PLCL1: variants seen among roughly 807,000 people sequenced by gnomAD.
PLCL1 encodes the protein inactive phospholipase C-like protein 1.
Under a neutral mutation model 84.4 loss-of-function variants are expected in PLCL1, and 41 were observed. The observed-to-expected ratio is 0.49, with a 90% CI of 0.38 to 0.63. The LOEUF (loss-of-function observed/expected upper bound fraction) is 0.63, where lower values mean the gene tolerates loss of function less well. Ranked by LOEUF, PLCL1 falls within the 30% of genes least tolerant of loss-of-function variation. PLCL1 has a pLI of 0.00. For missense variants in PLCL1, 1,206 were observed against 1,367.8 expected, an observed-to-expected ratio of 0.88 and a Z score of 1.87; for synonymous variants, 490 against 488.3, an observed-to-expected ratio of 1.00 and a Z score of -0.05.
Position 198,064,790 on chromosome 2 carries a change from T to G in PLCL1, c.241-18968T>G, listed in dbSNP as rs139904014. ...TGTACTTCTTCTATAGGATTTTAAC[T>G]AATTTAAAGCAAAGACTGAATGAAA... On this transcript the variant is annotated intron_variant, in intron 1 of 5. Transcript: ENST00000428675. Among the ~76,000 whole-genome samples the G allele has an allele frequency of 3.4e-3, 517 of 152,300 alleles. 3 individuals are homozygous for G. The highest frequency in any genetic ancestry group is 0.012 in the African/African-American group (487 of 41,556).
At chr2:197,931,868 GT>G (rs1688942502) in intron 1 of PLCL1, among the ~76,000 whole-genome samples, 1 of 152,154 alleles carries the variant, frequency 6.6e-6, no homozygotes, top group South Asian at 2.1e-4. Flanking sequence ...AAGTGGAGAG[GT>G]TTAAATTGTT....
At chr2:197,808,495 G>C (rs1242571807) in intron 1 of PLCL1, among the ~76,000 whole-genome samples, 2 of 151,888 alleles carry the variant, frequency 1.3e-5, no homozygotes, top group African/African-American at 4.8e-5. Context: ...GTTCCCTTTA[G>C]CATAGTAAAA....
At chr2:197,968,354 C>T (rs80171006) in intron 1 of PLCL1, among the ~76,000 whole-genome samples, 2,151 of 152,154 alleles carry the variant, frequency 0.014, 61 homozygotes, top group African/African-American at 0.048. Flanking sequence ...GGTGAATGTA[C>T]CACACAGAAT....
intron 1 of PLCL1, among the ~76,000 whole-genome samples, chr2:198,076,975 A>G (rs187901071): frequency 1.3e-5 from 2 of 152,328 alleles, no homozygotes; most frequent in East Asian, 3.9e-4. Flanking sequence ...GAAAGGCAAA[A>G]TGTATGCATC....
At chr2:197,982,291 C>T (rs1417281584) in intron 1 of PLCL1, among the ~76,000 whole-genome samples, 1 of 151,906 alleles carries the variant, frequency 6.6e-6, no homozygotes, top group East Asian at 1.9e-4. Context: ...TGTATCTCTA[C>T]TGTCTTTTGG....
At chr2:198,068,580 C>T (rs1382538940) in intron 1 of PLCL1, among the ~76,000 whole-genome samples, 1 of 152,190 alleles carries the variant, frequency 6.6e-6, no homozygotes. Context: ...AATTCAAGAT[C>T]CCTTAGTAAA....
At chr2:197,928,844 A>G (rs972499612) in intron 1 of PLCL1, among the ~76,000 whole-genome samples, 1 of 152,212 alleles carries the variant, frequency 6.6e-6, no homozygotes, top group Non-Finnish European at 1.5e-5. Flanking sequence ...ACAATTATGT[A>G]TACAACTCAG....
chr2:197,947,237 A>AATATATATATATATATATAT (rs55700681), intron 1 of PLCL1, among the ~76,000 whole-genome samples: 79 of 142,722 alleles, frequency 5.5e-4, no homozygotes, highest in South Asian at 1.6e-3. Context: ...TGCTTAGATA[A>AATATATATATATATATATAT]ATATATATAT....
intron 1 of PLCL1, among the ~76,000 whole-genome samples, chr2:197,882,124 A>G (rs760853272): frequency 3.5e-4 from 53 of 152,206 alleles, no homozygotes; most frequent in Admixed American, 3.9e-4. Context: ...TTGTTAACCT[A>G]TAGTTCCTCA....
At position 198,148,334 on chromosome 2, in the gene PLCL1, G is replaced by A. The variant is rs1276161296; in HGVS notation, c.*1372G>A. On this transcript the variant is annotated 3_prime_UTR_variant, in exon 6 of 6. Coordinates refer to ENST00000428675, the MANE Select transcript of PLCL1 (RefSeq NM_006226.4). Reference sequence around the variant, plus strand: ...TATAAACATCTCCTATAGCTTCTGTGTTATTTCTGACTTCTTAACACTATT... The same window carrying A: ...TATAAACATCTCCTATAGCTTCTGTATTATTTCTGACTTCTTAACACTATT... 1 of 152,244 alleles carries A rather than the reference G, an allele frequency of 6.6e-6. No individual in the cohort carries two copies. Among genetic ancestry groups the A allele is most frequent in the Non-Finnish European group, 1.5e-5 (1 of 68,016 alleles). 9.4% of individuals were successfully genotyped at this position (152,244 alleles called of 1,614,324 possible). A position where few individuals can be genotyped will look rare whatever the true frequency, so the allele number is the denominator to read the frequency against.
intron 1 of PLCL1, among the ~76,000 whole-genome samples, chr2:197,856,233 A>C (rs1043720492): frequency 1.8e-4 from 28 of 152,220 alleles, no homozygotes; most frequent in African/African-American, 6.8e-4. Flanking sequence ...CCCGTAGGTC[A>C]TAGTGACACT....
chr2:197,967,093 T>G (rs562803388), intron 1 of PLCL1, among the ~76,000 whole-genome samples: 1 of 152,258 alleles, frequency 6.6e-6, no homozygotes, highest in Admixed American at 6.5e-5. Flanking sequence ...GTCAGAGAGT[T>G]GAATGGGTGC....
At position 198,082,379 on chromosome 2, in the gene PLCL1, G is replaced by T. The variant is rs1454976188; in HGVS notation, c.241-1379G>T. On this transcript the variant is annotated intron_variant, in intron 1 of 5. Coordinates refer to ENST00000428675, the MANE Select transcript of PLCL1 (RefSeq NM_006226.4). Reference sequence around the variant, plus strand: ...GAATCGCTTGAACTCGGGAGGCGGAGGTTGCATTGCACTGAAATCACGCCA... The same window carrying T: ...GAATCGCTTGAACTCGGGAGGCGGATGTTGCATTGCACTGAAATCACGCCA... Among the ~76,000 whole-genome samples the T allele has an allele frequency of 2.0e-5, 3 of 152,152 alleles. No individual in the cohort carries two copies. The East Asian group carries it at 5.8e-4, about 29-fold the overall frequency.
chr2:197,875,088 C>T (rs1687710995), intron 1 of PLCL1, among the ~76,000 whole-genome samples: 1 of 152,060 alleles, frequency 6.6e-6, no homozygotes, highest in Non-Finnish European at 1.5e-5. Flanking sequence ...GATTTTGAGA[C>T]CAGCCTGGCC....
At chr2:198,040,948 A>G (rs559142658) in intron 1 of PLCL1, among the ~76,000 whole-genome samples, 2 of 152,326 alleles carry the variant, frequency 1.3e-5, no homozygotes, top group East Asian at 1.9e-4. Flanking sequence ...AAGGGCAACA[A>G]GCGAATCACA....
intron 1 of PLCL1, among the ~76,000 whole-genome samples, chr2:197,874,177 A>C (rs1687696183): frequency 6.6e-6 from 1 of 152,178 alleles, no homozygotes; most frequent in Admixed American, 6.5e-5. Flanking sequence ...TCCATAGTAA[A>C]TATGCAGTCA....
intron 3 of PLCL1, among the ~76,000 whole-genome samples, chr2:198,098,831 T>A (rs1229147101): frequency 6.6e-6 from 1 of 152,198 alleles, no homozygotes; most frequent in Non-Finnish European, 1.5e-5. Flanking sequence ...CTGGACAATT[T>A]AATCCATCTT....
intron 5 of PLCL1, among the ~76,000 whole-genome samples, chr2:198,115,581 A>AT (rs1265607393): frequency 5.3e-5 from 8 of 151,900 alleles, no homozygotes; most frequent in Non-Finnish European, 1.2e-4. Context: ...GCTAATAAAG[A>AT]TATACCTGAG....
intron 1 of PLCL1, among the ~76,000 whole-genome samples, chr2:198,021,593 C>T (rs1160284126): frequency 6.6e-6 from 1 of 152,100 alleles, no homozygotes; most frequent in South Asian, 2.1e-4. Context: ...ATACAAACTA[C>T]CATCGGAGAA....
Sources: allele counts gnomAD v4.1 joint callset (sites outside exome capture counted in the v4.1 genomes callset), GRCh38; gene constraint gnomAD v4.1.1; transcripts MANE v1.5; gene names NCBI Gene and HGNC (gene_info 2026-07-23, HGNC 2026-07-21).